KIF26B: variants seen among roughly 807,000 people sequenced by gnomAD.
The protein encoded by KIF26B is kinesin family member 26B.
A neutral mutation model predicts 151.2 loss-of-function variants in KIF26B; 63 were observed. The observed-to-expected ratio is 0.42, with a 90% CI of 0.34 to 0.51. The LOEUF is 0.51. KIF26B is among the 20% of genes least tolerant of loss of function. The pLI is 0.07. For missense variants in KIF26B, 2,813 were observed against 2,913.6 expected (o/e 0.97, Z 0.79); for synonymous variants, 1,357 against 1,262.1 (o/e 1.08, Z -1.59).
chr1:245,296,936 CTTGT>C (rs1420285335), intron 2 of KIF26B, among the ~76,000 whole-genome samples: 1 of 152,202 alleles, frequency 6.6e-6, no homozygotes, highest in Admixed American at 6.5e-5. Context: ...CAACACAGGC[CTTGT>C]TTTTCTGTGT....
At chr1:245,434,623 C>T (rs1029483066) in intron 4 of KIF26B, among the ~76,000 whole-genome samples, 4 of 152,154 alleles carry the variant, frequency 2.6e-5, no homozygotes, top group African/African-American at 9.7e-5. Flanking sequence ...CTGTGGGAGC[C>T]CCCTGCACCC....
intron 2 of KIF26B, 81 bp from the exon 3 acceptor site, chr1:245,366,753 A>G (rs781698071): frequency 2.8e-5 from 39 of 1,398,312 alleles, no homozygotes; most frequent in Non-Finnish European, 3.5e-5. Flanking sequence ...CTCGGGTTTG[A>G]CTGGTAAGCC....
chr1:245,658,003 G>T (rs1368930729), intron 10 of KIF26B, among the ~76,000 whole-genome samples: 1 of 152,128 alleles, frequency 6.6e-6, no homozygotes, highest in Non-Finnish European at 1.5e-5. Context: ...TGTTCCAGCG[G>T]TGACCACAGT....
intron 2 of KIF26B, among the ~76,000 whole-genome samples, chr1:245,361,347 T>C (rs1405083194): frequency 6.6e-6 from 1 of 152,242 alleles, no homozygotes; most frequent in African/African-American, 2.4e-5. Context: ...TGGTTTCTTA[T>C]GTAGAAAAAC....
rs554921644 is a variant in KIF26B at position 245,246,726 on chromosome 1, C to T, written c.465+90043C>T. Among the ~76,000 whole-genome samples the T allele has an allele frequency of 5.3e-5, 8 of 152,292 alleles. No individual in the cohort carries two copies. In the East Asian group the frequency reaches 1.5e-3, roughly 29 times the overall value. ...TTGTTAAATATCGTGAATTTCAAGT[C>T]ATCCTAAGACAAAAATCTGGGCTCT... On this transcript the variant is annotated intron_variant, in intron 2 of 14. Coordinates refer to ENST00000407071, the MANE Select transcript of KIF26B (RefSeq NM_018012.4).
intron 10 of KIF26B, among the ~76,000 whole-genome samples, chr1:245,659,447 T>C (rs2044110050): frequency 6.6e-6 from 1 of 152,044 alleles, no homozygotes; most frequent in African/African-American, 2.4e-5. Context: ...CAATCTAAAC[T>C]AGGATAAAGT....
chr1:245,478,833 G>A (rs1660101636), intron 4 of KIF26B, among the ~76,000 whole-genome samples: 1 of 151,812 alleles, frequency 6.6e-6, no homozygotes, highest in Non-Finnish European at 1.5e-5. Context: ...GGTGAGAGTG[G>A]TGATGGATCA....
At chr1:245,217,440 C>T (rs958118851) in intron 2 of KIF26B, among the ~76,000 whole-genome samples, 4 of 150,808 alleles carry the variant, frequency 2.7e-5, no homozygotes, top group African/African-American at 9.8e-5. Flanking sequence ...TCTCGGCCCG[C>T]TGCAACCTCC....
At chr1:245,286,326 G>T (rs959637395) in intron 2 of KIF26B, among the ~76,000 whole-genome samples, 6 of 152,064 alleles carry the variant, frequency 3.9e-5, no homozygotes, top group Non-Finnish European at 5.9e-5. Context: ...TGGATCACCT[G>T]AGTTCAGGGG....
chr1:245,379,134 A>G (rs2103016581), intron 3 of KIF26B, among the ~76,000 whole-genome samples: 1 of 152,370 alleles, frequency 6.6e-6, no homozygotes, highest in African/African-American at 2.4e-5. Flanking sequence ...CACATAAAAT[A>G]AATGTTATCC....
intron 2 of KIF26B, among the ~76,000 whole-genome samples, chr1:245,250,138 T>G (rs1389587566): frequency 6.6e-6 from 1 of 152,196 alleles, no homozygotes; most frequent in African/African-American, 2.4e-5. Context: ...TGTCGAAGGC[T>G]TCTTATTTCC....
chr1:245,589,348 C>T (rs1033554604), intron 5 of KIF26B, among the ~76,000 whole-genome samples: 7 of 152,118 alleles, frequency 4.6e-5, no homozygotes, highest in African/African-American at 1.7e-4. Context: ...GCTGTGATCT[C>T]GCAGGCTGGC....
At chr1:245,590,601 C>T (rs907543071) in intron 5 of KIF26B, among the ~76,000 whole-genome samples, 4 of 151,802 alleles carry the variant, frequency 2.6e-5, no homozygotes, top group African/African-American at 4.8e-5. Flanking sequence ...TAGTGTAACC[C>T]GCGTCTATAA....
At position 245,687,351 on chromosome 1, in the gene KIF26B, TGAA is replaced by T; in HGVS notation, c.4373_4375del (p.Glu1458del). 6.3e-7 allele frequency: 1 copy of T among 1,594,496 alleles called. No individual in the cohort carries two copies. The highest frequency in any genetic ancestry group is 8.5e-7 in the Non-Finnish European group (1 of 1,171,084). On this transcript the variant is annotated inframe_deletion, in exon 12 of 15. Transcript: ENST00000407071. The surrounding 1 kb of genome is among the most constrained non-coding windows in gnomAD (Gnocchi z 4.9). Reference sequence around the variant, plus strand: ...TGAAAAAAGAGACGGCTCATCCCAATGAAGAAGGGATGATGAGGTGTGAGACTG... The same window carrying T: ...TGAAAAAAGAGACGGCTCATCCCAATGAAGGGATGATGAGGTGTGAGACTG...
At chr1:245,470,528 T>C (rs528563817) in intron 4 of KIF26B, among the ~76,000 whole-genome samples, 1 of 152,320 alleles carries the variant, frequency 6.6e-6, no homozygotes, top group East Asian at 1.9e-4. Flanking sequence ...CCTCCCGGGT[T>C]CACGCCATTC....
chr1:245,319,872 T>G (rs1275787461), intron 2 of KIF26B, among the ~76,000 whole-genome samples: 2 of 152,216 alleles, frequency 1.3e-5, no homozygotes, highest in Non-Finnish European at 2.9e-5. Flanking sequence ...TCTGAGTCCA[T>G]GCTATTTCTC....
intron 2 of KIF26B, among the ~76,000 whole-genome samples, chr1:245,304,884 AT>A (rs1671508363): frequency 6.6e-6 from 1 of 151,954 alleles, no homozygotes; most frequent in Admixed American, 6.6e-5. Context: ...AAAAAAAAAA[AT>A]GATTATGAGA....
In KIF26B at chr1:245,609,424, G is replaced by A. The variant is rs866419266; in HGVS notation, c.1810G>A (p.Glu604Lys). 2 of 1,608,734 alleles carry A rather than the reference G, an allele frequency of 1.2e-6. No individual in the cohort carries two copies. Among genetic ancestry groups the A allele is most frequent in the African/African-American group, 2.7e-5 (2 of 74,858 alleles). ...TTCCGCCGTGGAAGTGTGGGGGAAGGAGGAGAACCTGCGGGACCTGCTGTC... is the reference window on the plus strand; with the variant it reads ...TTCCGCCGTGGAAGTGTGGGGGAAGAAGGAGAACCTGCGGGACCTGCTGTC... Reference protein sequence around the residue: ...RVSAVEVWGKEENLRDLLSEV... With the variant: ...RVSAVEVWGKKENLRDLLSEV... The change falls in exon 8 of 15, where the codon GAG becomes AAG. Residue 604 changes from glutamate (E) to lysine (K), a missense_variant. This residue lies in a region of KIF26B where 77 missense variants were observed against 136.9 expected (regional missense o/e 0.56). Coordinates refer to ENST00000407071, the MANE Select transcript of KIF26B (RefSeq NM_018012.4).
chr1:245,463,197 G>A (rs777925466), intron 4 of KIF26B, among the ~76,000 whole-genome samples: 13 of 152,158 alleles, frequency 8.5e-5, no homozygotes, highest in African/African-American at 2.4e-4. Flanking sequence ...CCCTTCAGCC[G>A]TGGTGCTCAA....
Sources: gnomAD v4.1 joint callset for allele counts (sites outside exome capture counted in the v4.1 genomes callset) on GRCh38, gnomAD v4.1.1 for gene constraint, gnomAD v4.1.1 regional missense constraint, Gnocchi (gnomAD v3.1) non-coding constraint, MANE v1.5 for transcripts, NCBI Gene and HGNC (gene_info 2026-07-23, HGNC 2026-07-21) for gene names.